PHF19: variants seen among roughly 807,000 people sequenced by gnomAD.
PHF19 encodes the protein PHD finger protein 19.
In PHF19, 21 loss-of-function variants were observed where a neutral mutation model predicts 79.8. That is an observed-to-expected ratio of 0.26 (90% CI 0.19 to 0.38). The LOEUF is 0.38. Ranked by LOEUF, PHF19 falls within the 10% of genes least tolerant of loss-of-function variation. The probability of loss-of-function intolerance (pLI) is 1.00; values close to 1 mark genes in which losing one functional copy is unlikely to be tolerated. For missense variants in PHF19, 445 were observed against 744.2 expected, an observed-to-expected ratio of 0.60 and a Z score of 4.68; for synonymous variants, 273 against 296.3, an observed-to-expected ratio of 0.92 and a Z score of 0.81.
At chr9:120,888,116 G>T (rs7028866) in intron 1 of PHF19, among the ~76,000 whole-genome samples, 8,893 of 152,266 alleles carry the variant, frequency 0.058, 760 homozygotes, top group African/African-American at 0.19. Flanking sequence ...GGGACTACAG[G>T]CATGCGCCAC....
upstream of PHF19, among the ~76,000 whole-genome samples, chr9:120,882,096 G>A (rs1184157181): frequency 6.6e-6 from 1 of 152,214 alleles, no homozygotes. Flanking sequence ...AGCGTGGTGA[G>A]CCAGGTGTGG....
chr9:120,867,564 G>C (rs2045741640), intron 6 of PHF19, among the ~76,000 whole-genome samples: 2 of 152,256 alleles, frequency 1.3e-5, no homozygotes, highest in African/African-American at 4.8e-5. Flanking sequence ...GTCCACTGCA[G>C]ACCTATTCAA....
At chr9:120,861,853 C>A in intron 12 of PHF19, 65 bp downstream of exon 12, 1 of 1,147,852 alleles carries the variant, frequency 8.7e-7, no homozygotes, top group Non-Finnish European at 1.3e-6. Context: ...GTTTTCGGCA[C>A]AGGAAGCCCT....
upstream of PHF19, among the ~76,000 whole-genome samples, chr9:120,877,580 T>C (rs1048642495): frequency 1.3e-5 from 2 of 151,850 alleles, no homozygotes; most frequent in Non-Finnish European, 2.9e-5. Context: ...CGCACACTTG[T>C]TGAGGAAACA....
intron 3 of PHF19, among the ~76,000 whole-genome samples, chr9:120,872,499 C>T (rs2045932192): frequency 1.3e-5 from 2 of 152,126 alleles, no homozygotes; most frequent in African/African-American, 4.8e-5. Flanking sequence ...AGGAGATCCT[C>T]ATTGCTTTGG....
In PHF19 at chr9:120,869,838, G is replaced by A. The variant is rs771449870; in HGVS notation, c.465+7C>T. ...GAGGCAGGGACTGGGGAGGATGGAA[G>A]GCTCACCCGCACAGCCAGTGCGAAG... On this transcript the variant is annotated splice_region_variant and intron_variant, in intron 5 of 14. Transcript: ENST00000373896. The surrounding 1 kb of genome is among the most constrained non-coding windows in gnomAD (Gnocchi z 5.8). The A allele has an allele frequency of 1.9e-5, 31 of 1,612,730 alleles. No individual in the cohort carries two copies. In the African/African-American group the frequency reaches 4.0e-4, roughly 21 times the overall value.
Position 120,869,017 on chromosome 9 carries a change from C to T in PHF19, c.614+165G>A. ...GGCCCCACCCCCGCGGCTGACACTCCAGGCCCGCCCCTCGAGGCCCCGCCC... is the reference window on the plus strand; with the variant it reads ...GGCCCCACCCCCGCGGCTGACACTCTAGGCCCGCCCCTCGAGGCCCCGCCC... On this transcript the variant is annotated intron_variant, in intron 6 of 14. Coordinates refer to ENST00000373896, the MANE Select transcript of PHF19 (RefSeq NM_015651.3). The surrounding 1 kb of genome is among the most constrained non-coding windows in gnomAD (Gnocchi z 5.8). The T allele has an allele frequency of 3.2e-6, 2 of 622,896 alleles. No individual in the cohort carries two copies. The highest frequency in any genetic ancestry group is 9.4e-5 in the Admixed American group (2 of 21,388). The allele number at this position is 622,896 out of a possible 1,614,324, so 38.6% of individuals were successfully genotyped here.
Position 120,862,715 on chromosome 9 carries a change from A to G in PHF19, c.1003T>C (p.Cys335Arg). ...ACGCGGATGCGCAGGCGGAAGATGC[A>G]CTTCTTCTTCTTGATCTCCTTGCCG... Reference protein sequence around the residue: ...LCGKEIKKKKCIFRLRIRVPP... With the variant: ...LCGKEIKKKKRIFRLRIRVPP... Residue 335 changes from cysteine to arginine, a missense_variant, in exon 11 of 15, where the codon TGC (cysteine) becomes CGC (arginine). Around this residue, in one of 5 missense-constraint regions of PHF19, gnomAD observed 83 missense variants for 85.5 expected, o/e 0.97. Coordinates refer to ENST00000373896, the MANE Select transcript of PHF19 (RefSeq NM_015651.3). This position sits in a 1 kb window ranked among gnomAD's most constrained non-coding sequence, Gnocchi z 4.6. The G allele has an allele frequency of 6.2e-7, 1 of 1,614,050 alleles. No homozygotes were observed. The highest frequency in any genetic ancestry group is 8.5e-7 in the Non-Finnish European group (1 of 1,179,966).
intron 3 of PHF19, among the ~76,000 whole-genome samples, chr9:120,871,632 T>A (rs2045896937): frequency 6.6e-6 from 1 of 152,194 alleles, no homozygotes; most frequent in African/African-American, 2.4e-5. Context: ...TTTATTTTGG[T>A]TGAAGAATAA....
Position 120,867,004 on chromosome 9 carries a change from C to A in PHF19, c.615-39G>T, listed in dbSNP as rs754403159. ...GGAGCCAAGGTCAGCCAGGACCACA[C>A]CCCCAGTCAGGTATGAGCTTCGGCA... On this transcript the variant is annotated intron_variant, in intron 6 of 14. Transcript: ENST00000373896. The A allele has an allele frequency of 4.1e-6, 5 of 1,229,282 alleles. No individual in the cohort carries two copies. In the South Asian group the frequency reaches 6.0e-5, roughly 15 times the overall value. 76.1% of individuals were successfully genotyped at this position (1,229,282 alleles called of 1,614,324 possible).
chr9:120,898,453 A>G (rs929801903), upstream of PHF19, among the ~76,000 whole-genome samples: 9 of 152,248 alleles, frequency 5.9e-5, no homozygotes, highest in Non-Finnish European at 1.2e-4. Context: ...TCAGGAAAAT[A>G]ATACTTTCCT....
chr9:120,859,864 T>C (rs928944468), intron 14 of PHF19, among the ~76,000 whole-genome samples: 3 of 152,118 alleles, frequency 2.0e-5, no homozygotes, highest in African/African-American at 7.2e-5. Context: ...TCCAAAGGGA[T>C]GGAACCACGG....
rs1475643377 is a variant in PHF19, at chr9:120,860,170, C to G, written c.1320G>C (p.Gln440His). 1 of 1,586,932 alleles carries G rather than the reference C, an allele frequency of 6.3e-7. No individual in the cohort carries two copies. Among genetic ancestry groups the G allele is most frequent in the Admixed American group, 1.8e-5 (1 of 57,004 alleles). The change falls in exon 14 of 15, where the codon CAG becomes CAC. Residue 440 changes from glutamine (Q) to histidine (H), a missense_variant. Physicochemically the swap from Gln to His is conservative, Grantham distance 24. Around this residue, in one of 5 missense-constraint regions of PHF19, gnomAD observed 125 missense variants for 180.5 expected, o/e 0.69. Transcript: ENST00000373896. This position sits in a 1 kb window ranked among gnomAD's most constrained non-coding sequence, Gnocchi z 4.1. Reference protein sequence around the residue: ...IQSLKSASSGQTFFSDVDSTD... With the variant: ...IQSLKSASSGHTFFSDVDSTD... ...TGGAGTCGACATCTGAGAAGAAGGT[C>G]TGGCCTGAGCTGGCACTGAGAGGGG...
intron 3 of PHF19, among the ~76,000 whole-genome samples, chr9:120,871,576 G>GT (rs1460498641): frequency 4.0e-4 from 61 of 152,230 alleles, no homozygotes; most frequent in African/African-American, 1.3e-3. Flanking sequence ...TTTTAAAATT[G>GT]CTTTTAGTCT....
At chr9:120,890,862 G>C (rs904691898) in intron 1 of PHF19, among the ~76,000 whole-genome samples, 1 of 152,100 alleles carries the variant, frequency 6.6e-6, no homozygotes, top group Non-Finnish European at 1.5e-5. Flanking sequence ...CTAACTTCAT[G>C]GTCAAGTTCA....
chr9:120,878,130 A>G (rs1198678821), upstream of PHF19, among the ~76,000 whole-genome samples: 1 of 152,248 alleles, frequency 6.6e-6, no homozygotes, highest in Non-Finnish European at 1.5e-5. Flanking sequence ...GGAAACCTAC[A>G]TGGCCGAAAT....
intron 1 of PHF19, among the ~76,000 whole-genome samples, chr9:120,890,791 G>T (rs2046332214): frequency 6.6e-6 from 1 of 152,028 alleles, no homozygotes; most frequent in Admixed American, 6.6e-5. Flanking sequence ...GGTAACCCCA[G>T]CCCATCACAG....
intron 8 of PHF19, 85 bp from the exon 9 acceptor site, chr9:120,865,915 G>C (rs2045684096): frequency 1.9e-6 from 3 of 1,600,064 alleles, no homozygotes; most frequent in Admixed American, 1.7e-5. Flanking sequence ...CAGGCTGAGA[G>C]ACAGGGGCAG....
At chr9:120,877,453 C>G, upstream of PHF19, 1 of 695,026 alleles carries the variant, frequency 1.4e-6, no homozygotes, top group Non-Finnish European at 1.8e-6. Flanking sequence ...CCCCGCCCGC[C>G]CCGCGGGCGC....
Sources: allele counts gnomAD v4.1 joint callset (sites outside exome capture counted in the v4.1 genomes callset), GRCh38; gene constraint gnomAD v4.1.1; regional missense constraint gnomAD v4.1.1; non-coding constraint Gnocchi (gnomAD v3.1); transcripts MANE v1.5; gene names NCBI Gene and HGNC (gene_info 2026-07-23, HGNC 2026-07-21).